The following AMMECR1 variants were observed in gnomAD, a reference collection of about 807,000 sequenced individuals.
The protein encoded by AMMECR1 is nuclear protein AMMECR1.
AMMECR1 carries 3 observed loss-of-function variants against 22.5 expected under a neutral mutation model. The observed-to-expected ratio is 0.13, with a 90% confidence interval of 0.06 to 0.35. AMMECR1 has a LOEUF of 0.35. Ranked by LOEUF, AMMECR1 falls within the 10% of genes least tolerant of loss-of-function variation. AMMECR1 has a pLI of 1.00. For missense variants in AMMECR1, 235 were observed against 278.7 expected (o/e 0.84, Z 1.12); for synonymous variants, 130 against 116.7 (o/e 1.11, Z -0.74).
chrX:110,264,206 T>G (rs1168135594), intron 2 of AMMECR1, among the ~76,000 whole-genome samples: 1 of 110,910 alleles, frequency 9.0e-6, no homozygotes, highest in Non-Finnish European at 1.9e-5. Flanking sequence ...ATTTGGTCAT[T>G]GGTTTTCAAG....
At chrX:110,330,171 C>A (rs2068115124) in intron 2 of AMMECR1, among the ~76,000 whole-genome samples, 1 of 111,887 alleles carries the variant, frequency 8.9e-6, no homozygotes. Flanking sequence ...CGTTACTACA[C>A]TTCAATCCTC....
chrX:110,234,234 A>T (rs763286079), intron 2 of AMMECR1, among the ~76,000 whole-genome samples: 63 of 112,035 alleles, frequency 5.6e-4, no homozygotes, highest in African/African-American at 1.7e-3. Flanking sequence ...CACAATTGCT[A>T]CAAAGAGAAT....
intron 2 of AMMECR1, among the ~76,000 whole-genome samples, chrX:110,332,650 G>C (rs182732805): frequency 9.0e-6 from 1 of 111,418 alleles, no homozygotes; most frequent in East Asian, 2.8e-4. Flanking sequence ...CCTTTCTTAG[G>C]TGCTTTTGCT....
At chrX:110,345,996 C>T (rs1011805987) in intron 2 of AMMECR1, among the ~76,000 whole-genome samples, 3 of 111,743 alleles carry the variant, frequency 2.7e-5, no homozygotes, top group Admixed American at 9.5e-5. Context: ...CTATGATCAT[C>T]TTGATGTCTA....
intron 2 of AMMECR1, among the ~76,000 whole-genome samples, chrX:110,387,245 A>G (rs1185332322): frequency 8.9e-6 from 1 of 112,431 alleles, no homozygotes; most frequent in African/African-American, 3.2e-5. Flanking sequence ...TTTCCAATGA[A>G]GACTTACGTG....
At chrX:110,265,704 T>C (rs983760224) in intron 1 of AMMECR1, among the ~76,000 whole-genome samples, 15 of 112,332 alleles carry the variant, frequency 1.3e-4, no homozygotes, top group African/African-American at 4.2e-4. Flanking sequence ...AATACTGGAA[T>C]AATGCATTTC....
intron 2 of AMMECR1, among the ~76,000 whole-genome samples, chrX:110,395,998 A>G (rs1422154281): frequency 8.9e-6 from 1 of 111,859 alleles, no homozygotes; most frequent in Non-Finnish European, 1.9e-5. Flanking sequence ...TTTACAAAGA[A>G]CATAGAGAGG....
At chrX:110,382,901 C>T (rs1477588295) in intron 2 of AMMECR1, among the ~76,000 whole-genome samples, 2 of 111,971 alleles carry the variant, frequency 1.8e-5, no homozygotes, top group Non-Finnish European at 3.8e-5. Flanking sequence ...CAGTATTGAG[C>T]TTCCTATACT....
chrX:110,315,070 G>A (rs971134311), intron 1 of AMMECR1, among the ~76,000 whole-genome samples: 21 of 110,809 alleles, frequency 1.9e-4, no homozygotes, highest in African/African-American at 6.2e-4. Context: ...TAATAACTAT[G>A]AGAAAAAAAA....
At chrX:110,427,341 A>G (rs1309937292) in intron 1 of AMMECR1, among the ~76,000 whole-genome samples, 1 of 111,911 alleles carries the variant, frequency 8.9e-6, no homozygotes, top group Non-Finnish European at 1.9e-5. Context: ...GGCTCTCAAA[A>G]TGTGGGTCCT....
intron 2 of AMMECR1, among the ~76,000 whole-genome samples, chrX:110,413,391 A>G (rs757792146): frequency 1.8e-5 from 2 of 110,855 alleles, no homozygotes; most frequent in East Asian, 5.7e-4. Flanking sequence ...TCTGTGCTCT[A>G]GCTTCCCCTG....
At chrX:110,403,009 C>T (rs1249033076) in intron 2 of AMMECR1, among the ~76,000 whole-genome samples, 1 of 111,663 alleles carries the variant, frequency 9.0e-6, no homozygotes, top group Non-Finnish European at 1.9e-5. Flanking sequence ...TGGGTGTTCC[C>T]CAATCCAGAT....
chrX:110,438,526 T>A lies in AMMECR1; in HGVS notation c.-294+1364A>T, dbSNP rs968019132. On this transcript the variant is annotated intron_variant, in intron 1 of 7. Coordinates refer to the AMMECR1 transcript ENST00000372057. ...CAAGTATCATTTTCTCAGAGCTCCT[T>A]AGAAGGAGGAGAGCTAAGAAACTTC... Among the ~76,000 whole-genome samples the A allele has an allele frequency of 2.7e-5, 3 of 111,458 alleles. No homozygotes were observed. In the East Asian group the frequency reaches 8.5e-4, roughly 31 times the overall value.
chrX:110,202,207 G>A (rs1355989334), intron 4 of AMMECR1, among the ~76,000 whole-genome samples: 1 of 112,139 alleles, frequency 8.9e-6, no homozygotes, highest in Non-Finnish European at 1.9e-5. Context: ...TATAAATTCT[G>A]CTTTTTAAAA....
At chrX:110,365,362 C>T (rs2068290506) in intron 2 of AMMECR1, among the ~76,000 whole-genome samples, 1 of 112,196 alleles carries the variant, frequency 8.9e-6, no homozygotes, top group South Asian at 3.7e-4. Context: ...CGTTGAAATA[C>T]AGAATAAACT....
chrX:110,369,287 G>A (rs1188058777), intron 2 of AMMECR1, among the ~76,000 whole-genome samples: 4 of 111,229 alleles, frequency 3.6e-5, no homozygotes, highest in Non-Finnish European at 7.5e-5. Context: ...AGCAGAGATG[G>A]CACCACTGCA....
chrX:110,216,227 G>A (rs1034885275), intron 3 of AMMECR1, among the ~76,000 whole-genome samples: 2 of 111,797 alleles, frequency 1.8e-5, no homozygotes, highest in South Asian at 7.5e-4. Context: ...ATAAATTCCA[G>A]TCAGTCCTTC....
chrX:110,363,542 A>C (rs1354693365), intron 2 of AMMECR1, among the ~76,000 whole-genome samples: 2 of 112,258 alleles, frequency 1.8e-5, no homozygotes, highest in Non-Finnish European at 1.9e-5. Flanking sequence ...GGGAAAGTCC[A>C]TATAACTAAG....
At chrX:110,299,822 T>G (rs1049322701) in intron 1 of AMMECR1, among the ~76,000 whole-genome samples, 1 of 112,144 alleles carries the variant, frequency 8.9e-6, no homozygotes, top group Non-Finnish European at 1.9e-5. Context: ...TTGGCTTATT[T>G]CACTTAGCAT....
Sources: gnomAD v4.1 joint callset for allele counts (sites outside exome capture counted in the v4.1 genomes callset) on GRCh38, gnomAD v4.1.1 for gene constraint, MANE v1.5 for transcripts, NCBI Gene and HGNC (gene_info 2026-07-23, HGNC 2026-07-21) for gene names.